The following BRDT variants were observed in gnomAD, a reference collection of about 807,000 sequenced individuals.
The protein encoded by BRDT is bromodomain testis associated.
A neutral mutation model predicts 113.9 loss-of-function variants in BRDT; 77 were observed. The ratio of observed to expected loss-of-function variants is 0.68; its 90% CI spans 0.56 to 0.82. The LOEUF (loss-of-function observed/expected upper bound fraction) is 0.82, where lower values mean the gene tolerates loss of function less well. Among genes scored for constraint, BRDT ranks in the 40% least tolerant of loss-of-function variants. BRDT has a pLI of 0.00. For missense variants in BRDT, 1,027 were observed against 1,105.4 expected, an observed-to-expected ratio of 0.93 and a Z score of 1.01; for synonymous variants, 358 against 366.5, an observed-to-expected ratio of 0.98 and a Z score of 0.26.
chr1:92,002,391 TCTCA>T (rs1416612978), intron 16 of BRDT, among the ~76,000 whole-genome samples: 6 of 151,972 alleles, frequency 3.9e-5, no homozygotes, highest in Non-Finnish European at 7.4e-5. Context: ...TGAGATGGAG[TCTCA>T]CTCTGTCGCC....
chr1:91,995,647 T>C (rs1013612736), intron 15 of BRDT, among the ~76,000 whole-genome samples: 3 of 151,130 alleles, frequency 2.0e-5, no homozygotes, highest in Non-Finnish European at 4.4e-5. Context: ...GTAGTTTTTT[T>C]TTTTTTTGAG....
intron 12 of BRDT, 129 bp downstream of exon 12, chr1:91,981,884 A>C: frequency 8.1e-7 from 1 of 1,233,940 alleles, no homozygotes; most frequent in Non-Finnish European, 1.1e-6. Flanking sequence ...CTAATTATTT[A>C]ATTGCATGTT....
At chr1:91,988,104 C>A (rs1425086469) in intron 12 of BRDT, among the ~76,000 whole-genome samples, 1 of 152,162 alleles carries the variant, frequency 6.6e-6, no homozygotes, top group Non-Finnish European at 1.5e-5. Flanking sequence ...ACCTTGGCCT[C>A]CCAAAGTGCT....
Position 91,978,212 on chromosome 1 carries a change from G to T in BRDT, c.1014G>T (p.Ala338=), listed in dbSNP as rs201601815. Residue 338 remains alanine (A), a synonymous_variant, in exon 7 of 19, where the codon GCG becomes GCT. Coordinates refer to ENST00000399546, the MANE Select transcript of BRDT (RefSeq NM_207189.4). The part of the protein sequence containing the change: ...NQEYKDAYKF[A]ADVRLMFMNC... ...AATATAAGGATGCATACAAATTTGC[G>T]GCAGATGTTAGATTAATGTTCATGA... The T allele has an allele frequency of 8.7e-6, 14 of 1,613,806 alleles. No individual in the cohort carries two copies. In the East Asian group the frequency reaches 2.9e-4, roughly 33 times the overall value.
chr1:91,970,801 C>T lies in BRDT; in HGVS notation c.445+2541C>T, dbSNP rs140133113. Among the ~76,000 whole-genome samples the T allele has an allele frequency of 6.5e-3, 986 of 150,794 alleles. 6 individuals carry two copies. The highest frequency in any genetic ancestry group is 9.7e-3 in the Non-Finnish European group (661 of 67,902). ...GCATGCACTTGTAGTTCCAGCTCCT[C>T]AAGAGCCTGAGGTGGGAGGATTGCT... On this transcript the variant is annotated intron_variant, in intron 4 of 18. Transcript: ENST00000399546.
chr1:91,970,547 G>C (rs141917675), intron 4 of BRDT, among the ~76,000 whole-genome samples: 139 of 152,316 alleles, frequency 9.1e-4, no homozygotes, highest in African/African-American at 3.1e-3. Context: ...GATTACAGGC[G>C]TGAGCCACCA....
chr1:91,966,123 G>T (rs1683044115), intron 3 of BRDT, among the ~76,000 whole-genome samples: 1 of 151,926 alleles, frequency 6.6e-6, no homozygotes, highest in South Asian at 2.1e-4. Flanking sequence ...CTTCATATTG[G>T]CTCTCATCCA....
At chr1:91,967,782 G>T (rs995996844) in intron 3 of BRDT, among the ~76,000 whole-genome samples, 1 of 151,914 alleles carries the variant, frequency 6.6e-6, no homozygotes, top group Non-Finnish European at 1.5e-5. Context: ...ATCTACCCCC[G>T]CCAGCCTCCA....
chr1:92,004,564 C>G lies in BRDT; in HGVS notation c.2539C>G (p.Arg847Gly). 1 of 1,612,374 alleles carries G rather than the reference C, an allele frequency of 6.2e-7. No individual in the cohort carries two copies. The highest frequency in any genetic ancestry group is 1.1e-5 in the South Asian group (1 of 90,694). Residue 847 changes from arginine (R) to glycine (G), a missense_variant, in exon 17 of 19, where the codon CGG (arginine) becomes GGG (glycine). Arg to Gly is a moderately radical substitution (Grantham distance 125). Coordinates refer to ENST00000399546, the MANE Select transcript of BRDT (RefSeq NM_207189.4). Reference protein sequence around the residue: ...EVKARTQELIRKHLEQNTKEL... With the variant: ...EVKARTQELIGKHLEQNTKEL... ...AAAAGCTCGGACACAGGAACTCATA[C>G]GGAAGCATTTGGAACAAAATACAAA...
At chr1:91,954,606 TAAA>T (rs1681524326) in intron 1 of BRDT, among the ~76,000 whole-genome samples, 1 of 152,020 alleles carries the variant, frequency 6.6e-6, no homozygotes, top group Non-Finnish European at 1.5e-5. Context: ...TATCCACAGG[TAAA>T]AAATGTTTTG....
chr1:91,964,601 C>T (rs1557810787), intron 2 of BRDT, 26 bp from the exon 3 acceptor site: 1 of 1,309,128 alleles, frequency 7.6e-7, no homozygotes, highest in Non-Finnish European at 1.0e-6. Flanking sequence ...TTCTTACTAA[C>T]ATTTAGAATT....
intron 15 of BRDT, among the ~76,000 whole-genome samples, chr1:91,998,463 T>G (rs757408430): frequency 6.6e-6 from 1 of 152,182 alleles, no homozygotes; most frequent in Non-Finnish European, 1.5e-5. Context: ...ACCTGCACAT[T>G]CTGCGCATGT....
Position 91,979,777 on chromosome 1 carries a change from C to T in BRDT, c.1287+20C>T. 1 of 1,578,544 alleles carries T rather than the reference C, an allele frequency of 6.3e-7. No individual in the cohort carries two copies. Among genetic ancestry groups the T allele is most frequent in the Non-Finnish European group, 8.6e-7 (1 of 1,167,434 alleles). On this transcript the variant is annotated intron_variant, in intron 8 of 18. Coordinates refer to ENST00000399546, the MANE Select transcript of BRDT (RefSeq NM_207189.4). The stretch of plus-strand genomic sequence containing the variant: ...GAGCAGGTAGTTGATTGTATTGATA[C>T]AAATTTTGATAATCTATGAGCTGCT...
chr1:91,995,092 C>G (rs979178278), intron 15 of BRDT, among the ~76,000 whole-genome samples: 6 of 152,010 alleles, frequency 3.9e-5, no homozygotes, highest in African/African-American at 1.4e-4. Context: ...TTGCCTGTCT[C>G]AACTTGGTTC....
At chr1:92,008,917 A>G (rs1029035621) in intron 18 of BRDT, among the ~76,000 whole-genome samples, 1 of 152,328 alleles carries the variant, frequency 6.6e-6, no homozygotes, top group East Asian at 1.9e-4. Flanking sequence ...ATATGTGTAC[A>G]TTGTGGAATG....
intron 12 of BRDT, 143 bp from the exon 13 acceptor site, chr1:91,991,041 C>G (rs997429164): frequency 1.2e-5 from 5 of 411,514 alleles, no homozygotes; most frequent in African/African-American, 1.0e-4. Context: ...TCGTGATCCA[C>G]CTGCCTCGGC....
intron 15 of BRDT, among the ~76,000 whole-genome samples, chr1:91,996,400 C>T (rs1333876795): frequency 6.6e-6 from 1 of 152,142 alleles, no homozygotes; most frequent in Admixed American, 6.5e-5. Flanking sequence ...AGGCATGCAC[C>T]ACCATATGCG....
intron 18 of BRDT, among the ~76,000 whole-genome samples, chr1:92,010,785 G>T (rs938041237): frequency 1.3e-5 from 2 of 151,968 alleles, no homozygotes. Context: ...CTGAAAAAAT[G>T]GAATACAGTT....
At chr1:91,956,865 G>A (rs1480034138) in intron 1 of BRDT, among the ~76,000 whole-genome samples, 1 of 152,164 alleles carries the variant, frequency 6.6e-6, no homozygotes, top group Non-Finnish European at 1.5e-5. Context: ...CTTGCGCCCA[G>A]GAGTTCAAGA....
Sources: gnomAD v4.1 joint callset for allele counts (sites outside exome capture counted in the v4.1 genomes callset) on GRCh38, gnomAD v4.1.1 for gene constraint, MANE v1.5 for transcripts, NCBI Gene and HGNC (gene_info 2026-07-23, HGNC 2026-07-21) for gene names.